The following DDAH1 variants were observed in gnomAD, a reference collection of about 807,000 sequenced individuals.
DDAH1 encodes the protein N(G),N(G)-dimethylarginine dimethylaminohydrolase 1.
A neutral mutation model predicts 28.8 loss-of-function variants in DDAH1; 19 were observed. The observed-to-expected ratio is 0.66, with a 90% CI of 0.46 to 0.97. The LOEUF (loss-of-function observed/expected upper bound fraction) is 0.97, where lower values mean the gene tolerates loss of function less well. Among genes scored for constraint, DDAH1 ranks in the 50% least tolerant of loss-of-function variants. DDAH1 has a pLI of 0.00. For synonymous variants in DDAH1, 153 were observed against 154.4 expected (o/e 0.99, Z 0.07); for missense variants, 326 against 375.9 (o/e 0.87, Z 1.10).
intron 1 of DDAH1, among the ~76,000 whole-genome samples, chr1:85,371,438 T>C (rs1650379657): frequency 6.6e-6 from 1 of 152,198 alleles, no homozygotes. Context: ...TGCAGTGCAC[T>C]ATGTTCACAC....
At chr1:85,497,800 T>C (rs886505099) in intron 1 of DDAH1, among the ~76,000 whole-genome samples, 4 of 152,344 alleles carry the variant, frequency 2.6e-5, no homozygotes, top group African/African-American at 7.2e-5. Context: ...TTTCTCATGT[T>C]ATATATTATT....
In DDAH1 at chr1:85,407,082, C is replaced by T. The variant is rs1182529051; in HGVS notation, c.304-48235G>A. ...TTTAAATGTTTCCATTTCCTCCACACACATATTTCTGAAGAGTTATGAGCA... is the reference window on the plus strand; with the variant it reads ...TTTAAATGTTTCCATTTCCTCCACATACATATTTCTGAAGAGTTATGAGCA... On this transcript the variant is annotated intron_variant, in intron 1 of 5. Coordinates refer to ENST00000284031, the MANE Select transcript of DDAH1 (RefSeq NM_012137.4). Among the ~76,000 whole-genome samples, 3 of 152,074 alleles carry T rather than the reference C, an allele frequency of 2.0e-5. No homozygotes were observed. In the East Asian group the frequency reaches 5.8e-4, roughly 29 times the overall value.
At chr1:85,524,231 G>GAACACT (rs1381649668) in intron 1 of DDAH1, among the ~76,000 whole-genome samples, 2 of 149,990 alleles carry the variant, frequency 1.3e-5, no homozygotes, top group Admixed American at 1.3e-4. Context: ...CAATAATAAT[G>GAACACT]AACACTTCTT....
intron 1 of DDAH1, chr1:85,399,246 C>T (rs903700309): frequency 6.6e-6 from 1 of 152,142 alleles, no homozygotes; most frequent in Non-Finnish European, 1.5e-5. Context: ...TATATCCTCT[C>T]GAAAAGTTTT....
chr1:85,436,144 A>G (rs554300423), intron 1 of DDAH1, among the ~76,000 whole-genome samples: 2 of 152,260 alleles, frequency 1.3e-5, no homozygotes, highest in South Asian at 4.1e-4. Context: ...CATAAATTCA[A>G]GAACAATACT....
At chr1:85,361,742 T>C (rs2100864616) in intron 1 of DDAH1, among the ~76,000 whole-genome samples, 1 of 152,318 alleles carries the variant, frequency 6.6e-6, no homozygotes, top group East Asian at 1.9e-4. Flanking sequence ...TATCACAGCA[T>C]AGATTTCTTC....
At chr1:85,345,188 G>T (rs1417774627) in intron 4 of DDAH1, among the ~76,000 whole-genome samples, 2 of 152,118 alleles carry the variant, frequency 1.3e-5, no homozygotes, top group Non-Finnish European at 2.9e-5. Context: ...TGAAAGAATA[G>T]AATATTTATT....
At chr1:85,323,968 C>CA (rs11446322) in intron 5 of DDAH1, among the ~76,000 whole-genome samples, 36,146 of 99,766 alleles carry the variant, frequency 0.36, 5,743 homozygotes, top group South Asian at 0.46. Context: ...GATCCTGTCT[C>CA]AAAAAAAAAA....
chr1:85,519,074 G>C (rs1272640327), intron 1 of DDAH1, among the ~76,000 whole-genome samples: 1 of 147,204 alleles, frequency 6.8e-6, no homozygotes, highest in Non-Finnish European at 1.5e-5. Flanking sequence ...AAGAAGAAAC[G>C]AGGAAAGACG....
intron 1 of DDAH1, among the ~76,000 whole-genome samples, chr1:85,540,138 AAAT>A (rs1338680443): frequency 1.3e-5 from 2 of 151,974 alleles, no homozygotes; most frequent in Non-Finnish European, 2.9e-5. Flanking sequence ...AATGAGAAAA[AAAT>A]AATGTGAATC....
intron 1 of DDAH1, among the ~76,000 whole-genome samples, chr1:85,530,850 G>C (rs1367223202): frequency 6.7e-6 from 1 of 150,190 alleles, no homozygotes; most frequent in Admixed American, 6.6e-5. Flanking sequence ...AATTAGCTGG[G>C]CATGGTGGCA....
At chr1:85,344,344 AAAAAC>A (rs1332388181) in intron 4 of DDAH1, among the ~76,000 whole-genome samples, 2 of 151,826 alleles carry the variant, frequency 1.3e-5, no homozygotes, top group African/African-American at 2.4e-5. Flanking sequence ...AAATGAAAAC[AAAAAC>A]AAAACAAGAC....
intron 2 of DDAH1, among the ~76,000 whole-genome samples, chr1:85,490,121 G>T (rs1190111852): frequency 6.6e-6 from 1 of 152,154 alleles, no homozygotes; most frequent in Non-Finnish European, 1.5e-5. Flanking sequence ...GTTTTCTAAG[G>T]AGGTAGACTA....
intron 1 of DDAH1, among the ~76,000 whole-genome samples, chr1:85,514,065 G>A (rs1186815040): frequency 3.3e-5 from 5 of 152,248 alleles, no homozygotes; most frequent in Middle Eastern, 3.4e-3. Context: ...TATGTTTATC[G>A]TGGCACTATT....
chr1:85,545,951 G>A (rs1328678134), intron 1 of DDAH1, among the ~76,000 whole-genome samples: 1 of 152,014 alleles, frequency 6.6e-6, no homozygotes, highest in Non-Finnish European at 1.5e-5. Context: ...ATAAAGCACT[G>A]GCATGTCAAC....
intron 1 of DDAH1, among the ~76,000 whole-genome samples, chr1:85,410,862 A>G (rs1652622869): frequency 6.6e-6 from 1 of 152,250 alleles, no homozygotes; most frequent in Admixed American, 6.5e-5. Flanking sequence ...ATACAAGCCA[A>G]TGAGAAATAT....
intron 1 of DDAH1, among the ~76,000 whole-genome samples, chr1:85,508,710 G>C (rs1183868776): frequency 6.6e-6 from 1 of 152,232 alleles, no homozygotes; most frequent in African/African-American, 2.4e-5. Context: ...ATGGATCCTT[G>C]CTCACTGCTA....
intron 1 of DDAH1, among the ~76,000 whole-genome samples, chr1:85,513,734 C>A (rs61785205): frequency 0.13 from 20,362 of 152,174 alleles, 1,438 homozygotes; most frequent in Non-Finnish European, 0.16. Context: ...TTTATGCAGC[C>A]AACAGACACA....
At chr1:85,323,644 T>C (rs1210080544) in intron 5 of DDAH1, among the ~76,000 whole-genome samples, 1 of 152,070 alleles carries the variant, frequency 6.6e-6, no homozygotes, top group Non-Finnish European at 1.5e-5. Flanking sequence ...GCCCTGACAA[T>C]GAACACCCAC....
Sources: gnomAD v4.1 joint callset for allele counts (sites outside exome capture counted in the v4.1 genomes callset) on GRCh38, gnomAD v4.1.1 for gene constraint, MANE v1.5 for transcripts, NCBI Gene and HGNC (gene_info 2026-07-23, HGNC 2026-07-21) for gene names.